Variants in TMEM217 observed in about 807,000 individuals in gnomAD.
The protein encoded by TMEM217 is transmembrane protein 217, also known as chromosome 6 open reading frame 128.
For synonymous variants in TMEM217, 76 were observed against 88.3 expected (o/e 0.86, Z 0.78); for missense variants, 204 against 248.8 (o/e 0.82, Z 1.21).
At chr6:37,226,179 C>T (rs1763811901) in intron 1 of TMEM217, among the ~76,000 whole-genome samples, 1 of 151,372 alleles carries the variant, frequency 6.6e-6, no homozygotes, top group African/African-American at 2.4e-5. Flanking sequence ...TGAGTCTATG[C>T]TTATTTACCA....
intron 1 of TMEM217, among the ~76,000 whole-genome samples, chr6:37,251,211 C>T (rs954654065): frequency 3.3e-5 from 5 of 152,166 alleles, no homozygotes; most frequent in African/African-American, 7.2e-5. Flanking sequence ...TCATGTCAGA[C>T]AGGTAATGTG....
intron 1 of TMEM217, among the ~76,000 whole-genome samples, chr6:37,245,895 G>A (rs111231103): frequency 0.065 from 9,897 of 151,774 alleles, 1,052 homozygotes; most frequent in African/African-American, 0.22. Context: ...TGCCTCCCGG[G>A]TTCAAGCGAT....
At chr6:37,245,305 G>A (rs1764995886) in intron 1 of TMEM217, among the ~76,000 whole-genome samples, 1 of 152,230 alleles carries the variant, frequency 6.6e-6, no homozygotes, top group African/African-American at 2.4e-5. Flanking sequence ...TGACTCCATA[G>A]GTACACTGAG....
chr6:37,257,875 C>A (rs781102348), exon 1 of TMEM217: 1 of 1,603,848 alleles, frequency 6.2e-7, no homozygotes, highest in East Asian at 2.2e-5. Context: ...TCTCGCCGGG[C>A]AAACCCTTGG....
chr6:37,231,226 ATTTTT>A (rs35394043), intron 1 of TMEM217, among the ~76,000 whole-genome samples: 7 of 87,444 alleles, frequency 8.0e-5, no homozygotes, highest in African/African-American at 3.2e-4. Flanking sequence ...TGCCTGGCTA[ATTTTT>A]TTTTTTTTTT....
chr6:37,256,518 A>G (rs1221296107), intron 1 of TMEM217, among the ~76,000 whole-genome samples: 1 of 152,232 alleles, frequency 6.6e-6, no homozygotes, highest in African/African-American at 2.4e-5. Context: ...TAAAGAAGAT[A>G]AGATGCTTTT....
intron 1 of TMEM217, among the ~76,000 whole-genome samples, chr6:37,248,606 T>C (rs1233387256): frequency 6.6e-6 from 1 of 152,186 alleles, no homozygotes; most frequent in Non-Finnish European, 1.5e-5. Context: ...CTTCCTCTCT[T>C]TGAGCTTCAG....
chr6:37,248,885 A>G (rs1765239363), intron 1 of TMEM217, among the ~76,000 whole-genome samples: 1 of 152,226 alleles, frequency 6.6e-6, no homozygotes, highest in African/African-American at 2.4e-5. Flanking sequence ...TCTGGAGGCT[A>G]GAAGTCCTAA....
chr6:37,251,101 T>C (rs1765375083), intron 1 of TMEM217, among the ~76,000 whole-genome samples: 1 of 137,500 alleles, frequency 7.3e-6, no homozygotes. Flanking sequence ...CCAAATCTGC[T>C]GGCATCTTGA....
chr6:37,218,653 G>T (rs371604110), exon 2 of TMEM217: 63 of 1,614,048 alleles, frequency 3.9e-5, no homozygotes, highest in Non-Finnish European at 5.0e-5. Context: ...ACCAGCGCAT[G>T]ATTCTGACCT....
At chr6:37,251,932 T>C (rs1765419720) in intron 1 of TMEM217, among the ~76,000 whole-genome samples, 1 of 152,346 alleles carries the variant, frequency 6.6e-6, no homozygotes, top group Non-Finnish European at 1.5e-5. Flanking sequence ...TCACTCTTGT[T>C]GCCCAGGCTG....
chr6:37,226,379 G>A (rs1236915508), intron 1 of TMEM217, among the ~76,000 whole-genome samples: 1 of 131,844 alleles, frequency 7.6e-6, no homozygotes, highest in African/African-American at 2.8e-5. Context: ...TGCAAGCTCC[G>A]CCTCCCGGGT....
At chr6:37,255,111 G>A (rs1765646669) in intron 1 of TMEM217, among the ~76,000 whole-genome samples, 1 of 152,126 alleles carries the variant, frequency 6.6e-6, no homozygotes, top group Non-Finnish European at 1.5e-5. Flanking sequence ...ACAGACAGGG[G>A]GCCTTTACTC....
At chr6:37,212,949 G>T, downstream of TMEM217, 3 of 1,549,820 alleles carry the variant, frequency 1.9e-6, no homozygotes, top group Non-Finnish European at 2.6e-6. Context: ...CCACCATGAG[G>T]GAGAACATCC....
exon 2 of TMEM217, chr6:37,218,008 TCTC>T: frequency 1.0e-6 from 1 of 990,912 alleles, no homozygotes; most frequent in South Asian, 4.6e-5. Flanking sequence ...CTCTTCATGT[TCTC>T]CTGAAAGAGT....
chr6:37,245,405 G>A (rs1765001404), intron 1 of TMEM217, among the ~76,000 whole-genome samples: 1 of 152,246 alleles, frequency 6.6e-6, no homozygotes, highest in African/African-American at 2.4e-5. Flanking sequence ...CCCATTAGTG[G>A]AATGGATTCT....
At chr6:37,233,403 G>A (rs1397632134) in intron 1 of TMEM217, among the ~76,000 whole-genome samples, 3 of 152,144 alleles carry the variant, frequency 2.0e-5, no homozygotes, top group Non-Finnish European at 2.9e-5. Context: ...CTCAGTTTTG[G>A]AGGCTGAGAA....
At chr6:37,247,578 G>A (rs575990959) in intron 1 of TMEM217, among the ~76,000 whole-genome samples, 2 of 152,088 alleles carry the variant, frequency 1.3e-5, no homozygotes, top group South Asian at 2.1e-4. Flanking sequence ...GGTAGAGATG[G>A]GGTTTCACCA....
intron 1 of TMEM217, among the ~76,000 whole-genome samples, chr6:37,253,925 A>G (rs1765583656): frequency 6.6e-6 from 1 of 152,222 alleles, no homozygotes; most frequent in African/African-American, 2.4e-5. Context: ...CAACCCAGGC[A>G]TATCTCATCC....
Sources: gnomAD v4.1 joint callset for allele counts (sites outside exome capture counted in the v4.1 genomes callset) on GRCh38, gnomAD v4.1.1 for gene constraint, MANE v1.5 for transcripts, NCBI Gene and HGNC (gene_info 2026-07-23, HGNC 2026-07-21) for gene names.